The following MEIOB variants were observed in gnomAD, a reference collection of about 807,000 sequenced individuals.
MEIOB encodes the protein meiosis-specific with OB domain-containing protein.
A neutral mutation model predicts 53.1 loss-of-function variants in MEIOB; 50 were observed. The ratio of observed to expected loss-of-function variants is 0.94; its 90% CI spans 0.75 to 1.19. The LOEUF (loss-of-function observed/expected upper bound fraction) is 1.19, where lower values mean the gene tolerates loss of function less well. MEIOB is among the 50% of genes most tolerant of loss of function. The probability of loss-of-function intolerance (pLI) is 0.00; values close to 1 mark genes in which losing one functional copy is unlikely to be tolerated. For missense variants in MEIOB, 551 were observed against 550.8 expected, an observed-to-expected ratio of 1.00 and a Z score of 0.00; for synonymous variants, 192 against 182.5, an observed-to-expected ratio of 1.05 and a Z score of -0.42.
chr16:1,871,499 T>G (rs9928009), intron 1 of MEIOB, among the ~76,000 whole-genome samples: 95,780 of 118,686 alleles, frequency 0.81, 39,211 homozygotes, highest in Middle Eastern at 0.86. Flanking sequence ...GATTACAGGC[T>G]TGAGCCACCG....
chr16:1,834,336 A>G lies in MEIOB; in HGVS notation c.1336T>C (p.Leu446=), dbSNP rs1220783328. The change falls in exon 14 of 14, where the codon TTG becomes CTG. Residue 446 remains leucine (L), a synonymous_variant. Transcript: ENST00000325962. The part of the protein sequence containing the change: ...FVLSHRARSG[L]KISVLSCKLA... ...TTGCACGAGAGTACACTAATTTTCA[A>G]TCCACTCCTTGCTCTGTGTGATAGA... 3 of 1,611,862 alleles carry G rather than the reference A, an allele frequency of 1.9e-6. No homozygotes were observed. The highest frequency in any genetic ancestry group is 2.2e-5 in the East Asian group (1 of 44,862).
intron 11 of MEIOB, 179 bp from the exon 12 acceptor site, chr16:1,839,617 G>A (rs1898847089): frequency 5.5e-6 from 3 of 549,158 alleles, no homozygotes; most frequent in South Asian, 2.6e-5. Flanking sequence ...TTTCTACGCA[G>A]CCATTCTCAG....
chr16:1,843,542 T>C (rs1345316275), intron 10 of MEIOB: 14 of 151,378 alleles, frequency 9.2e-5, no homozygotes, highest in Non-Finnish European at 2.9e-5. Flanking sequence ...CTACTAAAAA[T>C]AAAAAATTAG....
At chr16:1,863,982 C>T (rs1307518209) in intron 3 of MEIOB, among the ~76,000 whole-genome samples, 1 of 152,134 alleles carries the variant, frequency 6.6e-6, no homozygotes, top group East Asian at 1.9e-4. Context: ...AAGTGAGACC[C>T]TCTGTCTCTA....
intron 10 of MEIOB, 135 bp downstream of exon 10, chr16:1,844,727 T>G (rs9806962): frequency 0.02 from 11,061 of 541,424 alleles, 680 homozygotes; most frequent in African/African-American, 0.14. Context: ...GCCCACTATT[T>G]TAAGCTACCT....
intron 6 of MEIOB, 45 bp from the exon 7 acceptor site, chr16:1,854,245 G>C: frequency 9.1e-7 from 1 of 1,104,756 alleles, no homozygotes; most frequent in East Asian, 2.6e-5. Context: ...ATATGTAGAA[G>C]TTCTTAAGTA....
intron 12 of MEIOB, 59 bp downstream of exon 12, chr16:1,839,196 T>C: frequency 6.8e-7 from 1 of 1,472,380 alleles, no homozygotes; most frequent in African/African-American, 1.4e-5. Flanking sequence ...CTATATTTTT[T>C]TGGGAAAAAG....
chr16:1,865,511 GCA>G (rs1320121792), intron 3 of MEIOB, among the ~76,000 whole-genome samples: 2 of 54,128 alleles, frequency 3.7e-5, no homozygotes, highest in African/African-American at 6.9e-5. Context: ...ACATACACAT[GCA>G]CACACATACA....
At chr16:1,847,164 G>T (rs1899047711) in intron 9 of MEIOB, among the ~76,000 whole-genome samples, 2 of 149,116 alleles carry the variant, frequency 1.3e-5, no homozygotes, top group Admixed American at 1.3e-4. Context: ...CAAAAAAAGA[G>T]AAAAAGCTAT....
At position 1,850,451 on chromosome 16, in the gene MEIOB, C is replaced by T. The variant is rs183458835; in HGVS notation, c.778+2588G>A. On this transcript the variant is annotated intron_variant, in intron 9 of 13. Coordinates refer to ENST00000325962, the MANE Select transcript of MEIOB (RefSeq NM_001163560.3). ...AAAATTAGCTGGGCATGGTAGCGGG[C>T]ACCTGGGCAACCAACCCAGGAGGCT... is the stretch of plus-strand genomic sequence containing the variant. Among the ~76,000 whole-genome samples the T allele has an allele frequency of 8.5e-4, 130 of 152,124 alleles. 1 individual carries two copies. The highest frequency in any genetic ancestry group is 2.9e-3 in the African/African-American group (119 of 41,486).
intron 9 of MEIOB, among the ~76,000 whole-genome samples, 192 bp from the exon 10 acceptor site, chr16:1,845,155 T>C (rs535499013): frequency 6.6e-6 from 1 of 152,324 alleles, no homozygotes; most frequent in African/African-American, 2.4e-5. Context: ...ACATTACATC[T>C]AAAACAGATG....
intron 13 of MEIOB, among the ~76,000 whole-genome samples, chr16:1,836,944 A>G (rs1898763321): frequency 6.6e-6 from 1 of 152,176 alleles, no homozygotes; most frequent in African/African-American, 2.4e-5. Context: ...GGGAGAATAC[A>G]AGAGAAAAGA....
At chr16:1,847,968 G>A (rs952974864) in intron 9 of MEIOB, among the ~76,000 whole-genome samples, 2 of 151,942 alleles carry the variant, frequency 1.3e-5, no homozygotes, top group African/African-American at 4.8e-5. Context: ...TATTTTTTGA[G>A]ACAGGGTCTT....
intron 4 of MEIOB, 48 bp downstream of exon 4, chr16:1,861,937 A>T (rs1229431217): frequency 6.6e-7 from 1 of 1,514,992 alleles, no homozygotes; most frequent in Non-Finnish European, 8.9e-7. Context: ...AACATACCAC[A>T]GGAATAACAC....
At chr16:1,836,504 T>A (rs1169775734) in intron 13 of MEIOB, among the ~76,000 whole-genome samples, 2 of 147,300 alleles carry the variant, frequency 1.4e-5, no homozygotes, top group African/African-American at 2.4e-5. Flanking sequence ...AGACAGTATT[T>A]AGGGGCCCAT....
intron 9 of MEIOB, among the ~76,000 whole-genome samples, chr16:1,845,242 G>A (rs879271621): frequency 3.3e-5 from 5 of 152,108 alleles, no homozygotes; most frequent in Admixed American, 2.6e-4. Context: ...ATAAGGGACC[G>A]GGCGCAGTGG....
chr16:1,839,154 A>G lies in MEIOB; in HGVS notation c.1218+101T>C, dbSNP rs1394137214. 5.1e-6 allele frequency: 7 copies of G among 1,360,262 alleles called. No homozygotes were observed. The South Asian group carries it at 6.5e-5, about 13-fold the overall frequency. The allele number at this position is 1,360,262 out of a possible 1,614,324, so 84.3% of individuals were successfully genotyped here. On this transcript the variant is annotated intron_variant, in intron 12 of 13. Coordinates refer to ENST00000325962, the MANE Select transcript of MEIOB (RefSeq NM_001163560.3). ...TTTTTCCCAGGCTGTTTATTAGTGAATCAATTTCTATCAAATGTTTGACAA... is the reference window on the plus strand; with the variant it reads ...TTTTTCCCAGGCTGTTTATTAGTGAGTCAATTTCTATCAAATGTTTGACAA...
intron 12 of MEIOB, 72 bp from the exon 13 acceptor site, chr16:1,837,942 GAAAC>G: frequency 6.9e-7 from 1 of 1,452,042 alleles, no homozygotes; most frequent in Non-Finnish European, 9.1e-7. Context: ...ACAACAGTGT[GAAAC>G]AAACTTTCTC....
chr16:1,861,674 C>T (rs777157096), intron 4 of MEIOB, among the ~76,000 whole-genome samples: 32 of 151,266 alleles, frequency 2.1e-4, no homozygotes, highest in Non-Finnish European at 3.8e-4. Flanking sequence ...TCCTTAGTAG[C>T]TGGTACTACA....
Sources: gnomAD v4.1 joint callset for allele counts (sites outside exome capture counted in the v4.1 genomes callset) on GRCh38, gnomAD v4.1.1 for gene constraint, MANE v1.5 for transcripts, NCBI Gene and HGNC (gene_info 2026-07-23, HGNC 2026-07-21) for gene names.